RNLS: variants seen among roughly 807,000 people sequenced by gnomAD.
RNLS encodes the protein renalase.
RNLS carries 39 observed loss-of-function variants against 39.8 expected under a neutral mutation model. The observed-to-expected ratio is 0.98, with a 90% confidence interval of 0.76 to 1.28. The LOEUF is 1.28. RNLS is among the 50% of genes most tolerant of loss of function. The pLI is 0.00. For missense variants in RNLS, 410 were observed against 413.3 expected, an observed-to-expected ratio of 0.99 and a Z score of 0.07; for synonymous variants, 147 against 150.7, an observed-to-expected ratio of 0.98 and a Z score of 0.18.
At chr10:88,330,841 G>A (rs1359703172) in intron 5 of RNLS, among the ~76,000 whole-genome samples, 2 of 151,966 alleles carry the variant, frequency 1.3e-5, no homozygotes, top group Non-Finnish European at 2.9e-5. Flanking sequence ...AATGAGTAGA[G>A]ACTTGCTTTG....
At position 88,312,829 on chromosome 10, in the gene RNLS, G is replaced by T. The variant is rs117513128; in HGVS notation, c.876+1637C>A. Among the ~76,000 whole-genome samples the T allele has an allele frequency of 4.0e-3, 607 of 151,806 alleles. 3 individuals are homozygous for T. Among genetic ancestry groups the T allele is most frequent in the South Asian group, 0.029 (137 of 4,802 alleles). ...ATAGCAAAACTGAGAGGAAGTTATA[G>T]AGATTTCCAATATGCCCCCTACCCT... On this transcript the variant is annotated intron_variant, in intron 6 of 6. Coordinates refer to ENST00000331772, the MANE Select transcript of RNLS (RefSeq NM_001031709.3).
intron 4 of RNLS, among the ~76,000 whole-genome samples, chr10:88,439,965 A>T (rs1231485311): frequency 6.6e-6 from 1 of 152,158 alleles, no homozygotes; most frequent in African/African-American, 2.4e-5. Context: ...AAGGCTCTCT[A>T]TGGCACATTG....
chr10:88,279,000 C>T (rs1322005651), intron 6 of RNLS, among the ~76,000 whole-genome samples: 1 of 152,116 alleles, frequency 6.6e-6, no homozygotes, highest in African/African-American at 2.4e-5. Flanking sequence ...GTGGCTATTG[C>T]AATTTTGGCA....
At chr10:88,555,319 A>C (rs1363934111) in intron 4 of RNLS, among the ~76,000 whole-genome samples, 1 of 151,976 alleles carries the variant, frequency 6.6e-6, no homozygotes, top group African/African-American at 2.4e-5. Context: ...ACATGATTTC[A>C]GTGTTTGTCT....
At chr10:88,501,447 C>T (rs548721113) in intron 4 of RNLS, among the ~76,000 whole-genome samples, 2 of 152,066 alleles carry the variant, frequency 1.3e-5, no homozygotes, top group African/African-American at 2.4e-5. Context: ...TTCACAAAAT[C>T]GATTTTACTT....
At chr10:88,351,663 T>C (rs540147740) in intron 5 of RNLS, among the ~76,000 whole-genome samples, 1 of 152,348 alleles carries the variant, frequency 6.6e-6, no homozygotes, top group East Asian at 1.9e-4. Flanking sequence ...TCAGGTAGCG[T>C]GATGCCTCCA....
chr10:88,256,485 C>T, the RNLS span, among the ~76,000 whole-genome samples: 2 of 152,198 alleles, frequency 1.3e-5, no homozygotes, highest in Non-Finnish European at 2.9e-5. Context: ...GGCGGGAACT[C>T]GGCCTGAAAA....
intron 5 of RNLS, among the ~76,000 whole-genome samples, chr10:88,321,779 G>A (rs1846200737): frequency 6.6e-6 from 1 of 151,686 alleles, no homozygotes; most frequent in South Asian, 2.1e-4. Context: ...GACCAATAAT[G>A]AGCTAGAAAA....
the RNLS span, among the ~76,000 whole-genome samples, chr10:88,200,867 A>G: frequency 1.3e-5 from 2 of 152,290 alleles, no homozygotes; most frequent in East Asian, 3.9e-4. Flanking sequence ...GAAGTGGTCC[A>G]CAGTAACAAT....
chr10:88,199,156 G>A, the RNLS span, among the ~76,000 whole-genome samples: 4 of 152,130 alleles, frequency 2.6e-5, no homozygotes, highest in South Asian at 8.3e-4. Flanking sequence ...GTGGTTAGGG[G>A]TTCATGCCCT....
At chr10:88,270,988 G>A (rs1282825052), downstream of RNLS, among the ~76,000 whole-genome samples, 1 of 152,126 alleles carries the variant, frequency 6.6e-6, no homozygotes, top group Non-Finnish European at 1.5e-5. Context: ...TGCTCTTGGC[G>A]GGCTGGTGGC....
At chr10:88,178,219 T>C in the RNLS span, among the ~76,000 whole-genome samples, 1 of 152,108 alleles carries the variant, frequency 6.6e-6, no homozygotes, top group East Asian at 1.9e-4. Context: ...TTTGGATGAA[T>C]GTGGTAAGAT....
the RNLS span, among the ~76,000 whole-genome samples, chr10:88,231,684 C>T: frequency 6.6e-6 from 1 of 152,084 alleles, no homozygotes; most frequent in Non-Finnish European, 1.5e-5. Context: ...AGGCTGAAAC[C>T]CCTGACCACT....
intron 4 of RNLS, among the ~76,000 whole-genome samples, chr10:88,392,614 A>G (rs987450761): frequency 1.4e-4 from 21 of 152,346 alleles, no homozygotes; most frequent in African/African-American, 4.3e-4. Context: ...GAAATCACAT[A>G]TTAAATAATT....
chr10:88,427,612 T>C (rs1854867374), intron 4 of RNLS, among the ~76,000 whole-genome samples: 1 of 151,994 alleles, frequency 6.6e-6, no homozygotes, highest in Non-Finnish European at 1.5e-5. Context: ...GGAGATTGCA[T>C]TATTCCTGTT....
chr10:88,332,097 A>G (rs1847161017), intron 5 of RNLS, among the ~76,000 whole-genome samples: 1 of 152,178 alleles, frequency 6.6e-6, no homozygotes, highest in African/African-American at 2.4e-5. Context: ...CAGGTCAAGA[A>G]CTAGGCCTCA....
the RNLS span, among the ~76,000 whole-genome samples, chr10:88,245,302 T>G: frequency 1.4e-4 from 21 of 152,296 alleles, no homozygotes; most frequent in South Asian, 4.4e-3. Flanking sequence ...CATTGTTCGT[T>G]CAAAAGATCT....
At chr10:88,269,790 G>A (rs1842600303), downstream of RNLS, among the ~76,000 whole-genome samples, 1 of 152,188 alleles carries the variant, frequency 6.6e-6, no homozygotes, top group African/African-American at 2.4e-5. Flanking sequence ...CACAACAATA[G>A]AAGGTTTTAT....
intron 4 of RNLS, among the ~76,000 whole-genome samples, chr10:88,470,620 T>TC (rs1413348550): frequency 6.6e-6 from 1 of 150,398 alleles, no homozygotes; most frequent in Non-Finnish European, 1.5e-5. Flanking sequence ...AATTTTAATT[T>TC]TTTTTTTTTT....
Sources: allele counts gnomAD v4.1 joint callset (sites outside exome capture counted in the v4.1 genomes callset), GRCh38; gene constraint gnomAD v4.1.1; transcripts MANE v1.5; gene names NCBI Gene and HGNC (gene_info 2026-07-23, HGNC 2026-07-21).